The following GKAP1 variants were observed in gnomAD, a reference collection of about 807,000 sequenced individuals.
The protein encoded by GKAP1 is G kinase-anchoring protein 1.
Under a neutral mutation model 56.7 loss-of-function variants are expected in GKAP1, and 31 were observed. The ratio of observed to expected loss-of-function variants is 0.55; its 90% CI spans 0.41 to 0.74. The LOEUF (loss-of-function observed/expected upper bound fraction) is 0.74, where lower values mean the gene tolerates loss of function less well. Among genes scored for constraint, GKAP1 ranks in the 30% least tolerant of loss-of-function variants. GKAP1 has a pLI of 0.00. For synonymous variants in GKAP1, 151 were observed against 138.6 expected (o/e 1.09, Z -0.63); for missense variants, 364 against 402.3 (o/e 0.90, Z 0.82).
At chr9:83,799,459 A>G (rs1456374097) in intron 3 of GKAP1, 131 bp from the exon 4 acceptor site, 2 of 616,286 alleles carry the variant, frequency 3.2e-6, no homozygotes, top group Non-Finnish European at 5.5e-6. Flanking sequence ...TAACTCACAC[A>G]GCTAAAGTTA....
intron 3 of GKAP1, among the ~76,000 whole-genome samples, chr9:83,805,021 T>C (rs1304199109): frequency 2.6e-5 from 4 of 152,018 alleles, no homozygotes; most frequent in Non-Finnish European, 4.4e-5. Context: ...TTTTGTGGAA[T>C]AGAAGGGGGG....
chr9:83,803,042 G>C (rs1352202333), intron 3 of GKAP1, among the ~76,000 whole-genome samples: 4 of 152,064 alleles, frequency 2.6e-5, no homozygotes, highest in African/African-American at 9.7e-5. Context: ...CTGGGAGGCA[G>C]AGGTTGTAGT....
chr9:83,802,458 G>T (rs1263214707), intron 3 of GKAP1, among the ~76,000 whole-genome samples: 1 of 149,144 alleles, frequency 6.7e-6, no homozygotes, highest in Non-Finnish European at 1.5e-5. Context: ...ACCCAGCTCG[G>T]GCAACAGAGG....
chr9:83,797,042 G>C (rs1944259588), intron 4 of GKAP1, among the ~76,000 whole-genome samples: 1 of 152,068 alleles, frequency 6.6e-6, no homozygotes, highest in African/African-American at 2.4e-5. Context: ...TTCTTCCATT[G>C]ATACAAGATC....
At chr9:83,787,138 G>C (rs755931494) in intron 5 of GKAP1, among the ~76,000 whole-genome samples, 17 of 152,348 alleles carry the variant, frequency 1.1e-4, no homozygotes, top group Admixed American at 5.2e-4. Flanking sequence ...GTAACAGAAA[G>C]GGATATGGAA....
intron 7 of GKAP1, among the ~76,000 whole-genome samples, chr9:83,770,428 G>A (rs966594862): frequency 2.0e-5 from 3 of 152,040 alleles, no homozygotes; most frequent in African/African-American, 7.3e-5. Flanking sequence ...AACTGCGTTG[G>A]GACTCTTGTC....
chr9:83,806,451 T>C lies in GKAP1; in HGVS notation c.67A>G (p.Ser23Gly), dbSNP rs767551300. ...GGTTCAGAATCAGAGCCACTGCCACTATCCACTTGTAACAGGGCAAAACGA... is the reference window on the plus strand; with the variant it reads ...GGTTCAGAATCAGAGCCACTGCCACCATCCACTTGTAACAGGGCAAAACGA... Reference protein sequence around the residue: ...ASRFALLQVDSGSGSDSEPGK... With the variant: ...ASRFALLQVDGGSGSDSEPGK... The change falls in exon 3 of 13, where the codon AGT becomes GGT. Residue 23 changes from serine to glycine, a missense_variant. Coordinates refer to ENST00000376371, the MANE Select transcript of GKAP1 (RefSeq NM_025211.4). 3.7e-6 allele frequency: 6 copies of C among 1,614,068 alleles called. No homozygotes were observed. Among genetic ancestry groups the C allele is most frequent in the Admixed American group, 3.3e-5 (2 of 60,010 alleles).
intron 10 of GKAP1, among the ~76,000 whole-genome samples, chr9:83,746,771 T>C (rs887857666): frequency 6.6e-6 from 1 of 152,172 alleles, no homozygotes; most frequent in East Asian, 1.9e-4. Context: ...ATGGCATAAA[T>C]GCTATGTAAA....
At chr9:83,805,038 T>C (rs926304173) in intron 3 of GKAP1, among the ~76,000 whole-genome samples, 1 of 151,858 alleles carries the variant, frequency 6.6e-6, no homozygotes, top group Non-Finnish European at 1.5e-5. Context: ...GGGGGAAAGG[T>C]GGGGAAAAGA....
intron 12 of GKAP1, 85 bp downstream of exon 12, chr9:83,741,865 GAA>G: frequency 1.3e-6 from 1 of 784,214 alleles, no homozygotes; most frequent in Non-Finnish European, 2.1e-6. Context: ...TTTGGCCTAA[GAA>G]TAAAATACTG....
At chr9:83,812,814 G>A (rs545246645) in intron 2 of GKAP1, among the ~76,000 whole-genome samples, 3 of 152,218 alleles carry the variant, frequency 2.0e-5, no homozygotes, top group Non-Finnish European at 2.9e-5. Flanking sequence ...ACAATGAGAC[G>A]CCTTTGGCCA....
intron 4 of GKAP1, among the ~76,000 whole-genome samples, chr9:83,790,649 CA>C (rs1029037100): frequency 1.4e-5 from 1 of 71,388 alleles, no homozygotes; most frequent in African/African-American, 3.7e-5. Flanking sequence ...AACAAAAAAA[CA>C]AACAAACAAA....
Position 83,788,698 on chromosome 9 carries a change from C to T in GKAP1, c.361-20G>A. 1.3e-6 allele frequency: 2 copies of T among 1,530,556 alleles called. No individual in the cohort carries two copies. The highest frequency in any genetic ancestry group is 1.1e-5 in the South Asian group (1 of 88,312). 94.8% of individuals were successfully genotyped at this position (1,530,556 alleles called of 1,614,324 possible). On this transcript the variant is annotated intron_variant, in intron 4 of 12. Transcript: ENST00000376371. ...TGTCAGCTACAAAAAAAAAGTTTCA[C>T]AATAAACAGACAGTATCATTACATC...
chr9:83,763,664 T>C (rs1172729291), intron 8 of GKAP1, among the ~76,000 whole-genome samples: 1 of 152,232 alleles, frequency 6.6e-6, no homozygotes, highest in Non-Finnish European at 1.5e-5. Context: ...TCCCCTTTCC[T>C]GTGAATTACT....
intron 4 of GKAP1, chr9:83,788,973 T>C (rs901306591): frequency 3.4e-5 from 7 of 206,370 alleles, no homozygotes; most frequent in Non-Finnish European, 6.7e-5. Context: ...ATTGGCACTA[T>C]AATAGATGTC....
chr9:83,754,565 G>C (rs914197860), intron 8 of GKAP1, among the ~76,000 whole-genome samples: 1 of 152,162 alleles, frequency 6.6e-6, no homozygotes, highest in African/African-American at 2.4e-5. Flanking sequence ...AAGTAAAAAG[G>C]GGAAGTGAGA....
intron 8 of GKAP1, among the ~76,000 whole-genome samples, chr9:83,765,724 C>G (rs1249877987): frequency 6.6e-6 from 1 of 152,202 alleles, no homozygotes; most frequent in Non-Finnish European, 1.5e-5. Context: ...TTCAGACTTG[C>G]ATGGGGCCTG....
intron 8 of GKAP1, 42 bp from the exon 9 acceptor site, chr9:83,753,401 G>A (rs768455270): frequency 4.0e-5 from 50 of 1,239,028 alleles, no homozygotes; most frequent in South Asian, 1.7e-4. Context: ...TGATTATTCC[G>A]CTAATTCTGG....
At chr9:83,756,286 G>C (rs1943473801) in intron 8 of GKAP1, among the ~76,000 whole-genome samples, 2 of 151,032 alleles carry the variant, frequency 1.3e-5, no homozygotes, top group African/African-American at 2.4e-5. Flanking sequence ...AGACCAGCCT[G>C]GCCAACATGG....
Sources: allele counts gnomAD v4.1 joint callset (sites outside exome capture counted in the v4.1 genomes callset), GRCh38; gene constraint gnomAD v4.1.1; transcripts MANE v1.5; gene names NCBI Gene and HGNC (gene_info 2026-07-23, HGNC 2026-07-21).